PCSK2: variants seen among roughly 807,000 people sequenced by gnomAD.
PCSK2 encodes neuroendocrine convertase 2.
Under a neutral mutation model 69.7 loss-of-function variants are expected in PCSK2, and 14 were observed. That is an observed-to-expected ratio of 0.20 (90% CI 0.13 to 0.31). The LOEUF (loss-of-function observed/expected upper bound fraction) is 0.31. PCSK2 is among the 10% of genes least tolerant of loss of function. The probability of loss-of-function intolerance (pLI) is 1.00; values close to 1 mark genes in which losing one functional copy is unlikely to be tolerated. For synonymous variants in PCSK2, 307 were observed against 320.7 expected, an observed-to-expected ratio of 0.96 and a Z score of 0.46; for missense variants, 544 against 842.5, an observed-to-expected ratio of 0.65 and a Z score of 4.39.
intron 6 of PCSK2, among the ~76,000 whole-genome samples, chr20:17,423,155 C>T (rs2123327215): frequency 6.6e-6 from 1 of 152,190 alleles, no homozygotes. Flanking sequence ...AGAACAGGTG[C>T]CCAAGGTGGT....
intron 2 of PCSK2, among the ~76,000 whole-genome samples, chr20:17,285,364 G>A (rs1422082295): frequency 6.6e-6 from 1 of 152,174 alleles, no homozygotes; most frequent in African/African-American, 2.4e-5. Flanking sequence ...TTATTACCAT[G>A]TCGATTGATA....
At chr20:17,446,914 A>G (rs1171878825) in intron 8 of PCSK2, among the ~76,000 whole-genome samples, 1 of 152,168 alleles carries the variant, frequency 6.6e-6, no homozygotes, top group Non-Finnish European at 1.5e-5. Context: ...ATGAAAATCT[A>G]GCTCAGTTTC....
intron 1 of PCSK2, among the ~76,000 whole-genome samples, chr20:17,251,013 T>C (rs1232549129): frequency 6.6e-6 from 1 of 152,050 alleles, no homozygotes; most frequent in Admixed American, 6.6e-5. Flanking sequence ...GGCAGGAGAA[T>C]TGCTTGAATC....
intron 2 of PCSK2, among the ~76,000 whole-genome samples, chr20:17,355,259 A>G (rs928834177): frequency 6.6e-6 from 1 of 152,166 alleles, no homozygotes; most frequent in African/African-American, 2.4e-5. Flanking sequence ...TGATGTGAGT[A>G]TTTTTGTTCT....
At chr20:17,329,039 T>C (rs914821989) in intron 2 of PCSK2, among the ~76,000 whole-genome samples, 5 of 152,158 alleles carry the variant, frequency 3.3e-5, no homozygotes, top group African/African-American at 9.7e-5. Flanking sequence ...CATTAGCAGG[T>C]TGGGAATGGC....
chr20:17,395,254 G>T (rs143448025), intron 5 of PCSK2, among the ~76,000 whole-genome samples: 1 of 152,172 alleles, frequency 6.6e-6, no homozygotes, highest in South Asian at 2.1e-4. Flanking sequence ...AATTTCGGGG[G>T]TTGGTTTATT....
chr20:17,312,488 A>G lies in PCSK2; in HGVS notation c.283-45839A>G, dbSNP rs571611028. 4.6e-5 allele frequency among the ~76,000 whole-genome samples: 7 copies of G among 152,272 alleles called. No homozygotes were observed. The South Asian group carries it at 1.5e-3, about 32-fold the overall frequency. On this transcript the variant is annotated intron_variant, in intron 2 of 11. Coordinates refer to ENST00000262545, the MANE Select transcript of PCSK2 (RefSeq NM_002594.5). ...GGCCAAATATTAATATTTGTAGTGAACAAGAAAGCCAAGCACGAAGTGTTC... is the reference window on the plus strand; with the variant it reads ...GGCCAAATATTAATATTTGTAGTGAGCAAGAAAGCCAAGCACGAAGTGTTC...
chr20:17,392,805 G>T (rs2031417379), intron 5 of PCSK2, among the ~76,000 whole-genome samples: 1 of 152,156 alleles, frequency 6.6e-6, no homozygotes, highest in East Asian at 1.9e-4. Flanking sequence ...GTACCACAAT[G>T]TGTTTATCTG....
At chr20:17,420,917 C>A (rs1470780369) in intron 6 of PCSK2, among the ~76,000 whole-genome samples, 2 of 152,098 alleles carry the variant, frequency 1.3e-5, no homozygotes, top group Non-Finnish European at 2.9e-5. Flanking sequence ...ACTCCCTAAC[C>A]GACAACCAAT....
chr20:17,440,928 T>C (rs1268939602), intron 8 of PCSK2, among the ~76,000 whole-genome samples: 2 of 150,910 alleles, frequency 1.3e-5, no homozygotes, highest in South Asian at 2.1e-4. Context: ...CAAGACCTCA[T>C]AGTGCCTGGG....
intron 7 of PCSK2, among the ~76,000 whole-genome samples, chr20:17,433,727 A>G (rs2032415286): frequency 6.6e-6 from 1 of 151,670 alleles, no homozygotes; most frequent in South Asian, 2.1e-4. Context: ...CTTGCCCATC[A>G]AATACACATA....
intron 3 of PCSK2, among the ~76,000 whole-genome samples, chr20:17,359,990 T>A (rs1424956724): frequency 6.6e-6 from 1 of 152,230 alleles, no homozygotes; most frequent in African/African-American, 2.4e-5. Flanking sequence ...TGAGCCAGTT[T>A]TCTTTAATTC....
At chr20:17,413,915 C>A (rs999466653) in intron 6 of PCSK2, among the ~76,000 whole-genome samples, 3 of 152,182 alleles carry the variant, frequency 2.0e-5, no homozygotes, top group African/African-American at 7.2e-5. Flanking sequence ...AACTGAACAA[C>A]CTGCTCCTGA....
At chr20:17,373,728 A>G (rs1408916893) in intron 5 of PCSK2, among the ~76,000 whole-genome samples, 1 of 152,248 alleles carries the variant, frequency 6.6e-6, no homozygotes, top group Non-Finnish European at 1.5e-5. Flanking sequence ...TATTCTGTAT[A>G]TTAAGAGAGG....
chr20:17,422,701 C>G lies in PCSK2; in HGVS notation c.621-6734C>G, dbSNP rs183325908. Among the ~76,000 whole-genome samples the G allele has an allele frequency of 3.9e-5, 6 of 152,110 alleles. No homozygotes were observed. The East Asian group carries it at 1.2e-3, about 29-fold the overall frequency. ...AAGTTCAGCAACAACAGAACAACAGCAAGATGGGAAGCTTTGCCGACCGGA... is the reference window on the plus strand; with the variant it reads ...AAGTTCAGCAACAACAGAACAACAGGAAGATGGGAAGCTTTGCCGACCGGA... On this transcript the variant is annotated intron_variant, in intron 6 of 11. Transcript: ENST00000262545.
intron 2 of PCSK2, among the ~76,000 whole-genome samples, chr20:17,352,207 A>G (rs1568614208): frequency 6.6e-6 from 1 of 152,240 alleles, no homozygotes; most frequent in African/African-American, 2.4e-5. Flanking sequence ...TAGATGACAC[A>G]AACAAGTGGG....
intron 2 of PCSK2, among the ~76,000 whole-genome samples, chr20:17,264,936 T>A (rs1987535155): frequency 6.6e-6 from 1 of 152,080 alleles, no homozygotes; most frequent in South Asian, 2.1e-4. Flanking sequence ...CGATCTCAGC[T>A]CACTGCAAGC....
chr20:17,381,211 C>T (rs527868764), intron 5 of PCSK2, among the ~76,000 whole-genome samples: 1 of 152,328 alleles, frequency 6.6e-6, no homozygotes, highest in South Asian at 2.1e-4. Flanking sequence ...TAATTACTAA[C>T]CAATAATTAA....
chr20:17,244,478 C>T (rs1233840464), intron 1 of PCSK2, among the ~76,000 whole-genome samples: 1 of 152,168 alleles, frequency 6.6e-6, no homozygotes, highest in Non-Finnish European at 1.5e-5. Context: ...CAGATGTCAA[C>T]TAGAAATACC....
Sources: gnomAD v4.1 joint callset for allele counts (sites outside exome capture counted in the v4.1 genomes callset) on GRCh38, gnomAD v4.1.1 for gene constraint, MANE v1.5 for transcripts, NCBI Gene and HGNC (gene_info 2026-07-23, HGNC 2026-07-21) for gene names.